The following DSCAM variants were observed in gnomAD, a reference collection of about 807,000 sequenced individuals.
DSCAM encodes the protein cell adhesion molecule DSCAM.
DSCAM carries 47 observed loss-of-function variants against 217.7 expected under a neutral mutation model. The ratio of observed to expected loss-of-function variants is 0.22; its 90% CI spans 0.17 to 0.28. The LOEUF (loss-of-function observed/expected upper bound fraction) is 0.28. Among genes scored for constraint, DSCAM ranks in the 10% least tolerant of loss-of-function variants. The pLI is 1.00. For missense variants in DSCAM, 2,080 were observed against 2,618.3 expected (o/e 0.79, Z 4.49); for synonymous variants, 1,056 against 1,015.3 (o/e 1.04, Z -0.76).
chr21:40,624,154 T>G (rs1175355632), intron 3 of DSCAM, among the ~76,000 whole-genome samples: 1 of 152,230 alleles, frequency 6.6e-6, no homozygotes, highest in Admixed American at 6.5e-5. Context: ...CAGATTTTTG[T>G]GCCGATTCTC....
At chr21:40,391,768 G>A (rs184839772) in intron 3 of DSCAM, among the ~76,000 whole-genome samples, 13 of 152,280 alleles carry the variant, frequency 8.5e-5, no homozygotes, top group East Asian at 7.7e-4. Context: ...TGCTGTTATC[G>A]GAAATTTCTC....
chr21:40,521,953 A>G (rs569801467), intron 3 of DSCAM, among the ~76,000 whole-genome samples: 3 of 152,346 alleles, frequency 2.0e-5, no homozygotes, highest in South Asian at 2.1e-4. Flanking sequence ...TCAAAACATT[A>G]CGTTGTGCCC....
chr21:40,777,546 G>A (rs1485299079), intron 1 of DSCAM, among the ~76,000 whole-genome samples: 4 of 152,160 alleles, frequency 2.6e-5, no homozygotes, highest in South Asian at 2.1e-4. Context: ...TTCAGAAAAC[G>A]GGAGAAAACG....
intron 3 of DSCAM, among the ~76,000 whole-genome samples, chr21:40,422,558 C>T (rs1392434692): frequency 2.0e-5 from 3 of 152,056 alleles, no homozygotes; most frequent in Admixed American, 1.3e-4. Flanking sequence ...AGGAGAATTG[C>T]TTGAATTCAG....
At chr21:40,128,240 A>C (rs2090117033) in intron 19 of DSCAM, among the ~76,000 whole-genome samples, 1 of 148,402 alleles carries the variant, frequency 6.7e-6, no homozygotes, top group Non-Finnish European at 1.5e-5. Context: ...CTAGATCCTC[A>C]ATACAGATTT....
intron 3 of DSCAM, among the ~76,000 whole-genome samples, chr21:40,529,835 C>G (rs901514269): frequency 3.9e-5 from 6 of 151,950 alleles, no homozygotes; most frequent in Non-Finnish European, 7.4e-5. Flanking sequence ...TCTTTCTTTC[C>G]TTTCTGCAAG....
At chr21:40,663,863 A>G (rs1476446660) in intron 3 of DSCAM, among the ~76,000 whole-genome samples, 1 of 152,216 alleles carries the variant, frequency 6.6e-6, no homozygotes, top group Non-Finnish European at 1.5e-5. Context: ...CTGTGAGCCA[A>G]TAAGACTTTT....
chr21:40,316,421 TCTTA>T (rs1370379725), intron 8 of DSCAM, among the ~76,000 whole-genome samples: 2 of 152,220 alleles, frequency 1.3e-5, no homozygotes, highest in Admixed American at 1.3e-4. Context: ...TTTTAAAGCG[TCTTA>T]AGCCTTATAT....
chr21:40,442,360 A>T (rs4818130), intron 3 of DSCAM, among the ~76,000 whole-genome samples: 105,978 of 151,442 alleles, frequency 0.7, 37,483 homozygotes, highest in Middle Eastern at 0.81. Flanking sequence ...TTTATTTTTT[A>T]AAATTTACTA....
rs1289904697 is a variant in DSCAM at position 40,846,926 on chromosome 21, C to A, written c.-265G>T. The A allele has an allele frequency of 6.6e-6, 1 of 151,908 alleles. No individual in the cohort carries two copies. Among genetic ancestry groups the A allele is most frequent in the Non-Finnish European group, 1.5e-5 (1 of 67,960 alleles). 9.4% of individuals were successfully genotyped at this position (151,908 alleles called of 1,614,324 possible). On this transcript the variant is annotated 5_prime_UTR_variant, in exon 1 of 33. Transcript: ENST00000400454. Reference sequence around the variant, plus strand: ...CGCTGCGGCCGGAGCCCAGGTGCGCCGTCAGCTCAGTGGGCCCCCGGCAGG... The same window carrying A: ...CGCTGCGGCCGGAGCCCAGGTGCGCAGTCAGCTCAGTGGGCCCCCGGCAGG...
intron 3 of DSCAM, among the ~76,000 whole-genome samples, chr21:40,566,023 G>C (rs985620281): frequency 1.3e-5 from 2 of 152,072 alleles, no homozygotes; most frequent in Admixed American, 6.6e-5. Flanking sequence ...AAACCAAAAG[G>C]GTTTAAGTCT....
At chr21:40,377,849 C>T (rs945290579) in intron 3 of DSCAM, among the ~76,000 whole-genome samples, 1 of 152,102 alleles carries the variant, frequency 6.6e-6, no homozygotes, top group Non-Finnish European at 1.5e-5. Context: ...GGCCTCAGCT[C>T]CCTGCCTTCC....
At chr21:40,838,805 A>G (rs2092077164) in intron 1 of DSCAM, among the ~76,000 whole-genome samples, 1 of 152,204 alleles carries the variant, frequency 6.6e-6, no homozygotes. Flanking sequence ...TATAAGACAA[A>G]AGGCAAACAC....
chr21:40,164,536 G>A (rs951072299), intron 16 of DSCAM, among the ~76,000 whole-genome samples: 3 of 152,140 alleles, frequency 2.0e-5, no homozygotes, highest in Non-Finnish European at 4.4e-5. Flanking sequence ...GGTAGCTCAC[G>A]CCTGTAATCC....
intron 3 of DSCAM, among the ~76,000 whole-genome samples, chr21:40,610,898 A>G (rs2089304766): frequency 6.6e-6 from 1 of 152,200 alleles, no homozygotes. Context: ...GAGTGCTTGC[A>G]GAATTTCTCC....
chr21:40,527,353 T>C (rs1429923166), intron 3 of DSCAM, among the ~76,000 whole-genome samples: 3 of 152,342 alleles, frequency 2.0e-5, no homozygotes, highest in Middle Eastern at 3.4e-3. Context: ...TATTTCACAT[T>C]GGCCCACAGA....
chr21:40,776,819 A>G (rs1234739204), intron 1 of DSCAM, among the ~76,000 whole-genome samples: 1 of 152,226 alleles, frequency 6.6e-6, no homozygotes, highest in African/African-American at 2.4e-5. Flanking sequence ...TTAAAAAATT[A>G]CATGTGGCTT....
At chr21:40,712,324 A>G (rs62223029) in intron 1 of DSCAM, among the ~76,000 whole-genome samples, 34,556 of 151,730 alleles carry the variant, frequency 0.23, 4,978 homozygotes, top group African/African-American at 0.41. Context: ...TTAGCCGGGC[A>G]CGGTGGCGGG....
chr21:40,271,180 C>T (rs1472774845), intron 11 of DSCAM, among the ~76,000 whole-genome samples: 1 of 152,182 alleles, frequency 6.6e-6, no homozygotes, highest in African/African-American at 2.4e-5. Flanking sequence ...GACCCACAGA[C>T]CTTCCTGGAT....
Sources: allele counts gnomAD v4.1 joint callset (sites outside exome capture counted in the v4.1 genomes callset), GRCh38; gene constraint gnomAD v4.1.1; transcripts MANE v1.5; gene names NCBI Gene and HGNC (gene_info 2026-07-23, HGNC 2026-07-21).